The following CAND1 variants were observed in gnomAD, a reference collection of about 807,000 sequenced individuals.
CAND1 encodes the protein cullin-associated NEDD8-dissociated protein 1.
In CAND1, 7 loss-of-function variants were observed where a neutral mutation model predicts 108.5. That is an observed-to-expected ratio of 0.06 (90% CI 0.04 to 0.12). The LOEUF is 0.12. Among genes scored for constraint, CAND1 ranks in the 10% least tolerant of loss-of-function variants. The pLI is 1.00. For missense variants in CAND1, 941 were observed against 1,448.7 expected (o/e 0.65, Z 5.69); for synonymous variants, 534 against 512.0 (o/e 1.04, Z -0.58).
chr12:67,303,659 TGA>T (rs1298472509), intron 8 of CAND1, among the ~76,000 whole-genome samples: 1 of 152,210 alleles, frequency 6.6e-6, no homozygotes, highest in Admixed American at 6.6e-5. Flanking sequence ...GCTTTGCTGT[TGA>T]GGTATTCTAG....
rs1473896836 is a variant in CAND1 at position 67,310,416 on chromosome 12, T to G, written c.3360+100T>G. ...ACTCATGTGTCTGAGAAAAATCAGG[T>G]TGTCTGTGAAGATTTTGATAAGCAT... On this transcript the variant is annotated intron_variant, in intron 13 of 14. Transcript: ENST00000545606. 6 of 870,084 alleles carry G rather than the reference T, an allele frequency of 6.9e-6. No individual in the cohort carries two copies. In the African/African-American group the frequency reaches 1.0e-4, roughly 15 times the overall value. The allele number at this position is 870,084 out of a possible 1,614,324, so 53.9% of individuals were successfully genotyped here.
At chr12:67,312,433 G>C (rs1470962184) in intron 14 of CAND1, among the ~76,000 whole-genome samples, 173 bp from the exon 15 acceptor site, 4 of 152,078 alleles carry the variant, frequency 2.6e-5, no homozygotes, top group African/African-American at 9.7e-5. Context: ...TCCCTTAAAA[G>C]AAAAGGAGAC....
rs115257375 is a variant in CAND1 at position 67,274,278 on chromosome 12, A to C, written c.68+4493A>C. 5.6e-3 allele frequency among the ~76,000 whole-genome samples: 848 copies of C among 152,376 alleles called. 6 individuals carry two copies. The highest frequency in any genetic ancestry group is 0.019 in the African/African-American group (800 of 41,586). On this transcript the variant is annotated intron_variant, in intron 1 of 14. Transcript: ENST00000545606. ...ATAGTTAAGACACTATTGTAAAAAG[A>C]TGAATAACCCAGGGCAATATGTAAT... is the stretch of plus-strand genomic sequence containing the variant.
intron 2 of CAND1, among the ~76,000 whole-genome samples, chr12:67,292,141 A>G (rs1321298209): frequency 6.6e-6 from 1 of 152,094 alleles, no homozygotes; most frequent in Non-Finnish European, 1.5e-5. Flanking sequence ...TGCTGGGATT[A>G]CAGGTATGAG....
At chr12:67,281,425 A>G (rs1004551586) in intron 1 of CAND1, among the ~76,000 whole-genome samples, 5 of 152,292 alleles carry the variant, frequency 3.3e-5, no homozygotes, top group Admixed American at 1.3e-4. Flanking sequence ...CTGCAATGCA[A>G]CGTACTTGTT....
chr12:67,285,182 T>C (rs773140661), intron 2 of CAND1, among the ~76,000 whole-genome samples: 3 of 152,174 alleles, frequency 2.0e-5, no homozygotes, highest in Non-Finnish European at 4.4e-5. Flanking sequence ...GTGGTGACCT[T>C]GTATTGCAGT....
chr12:67,294,275 A>G (rs2073046153), intron 3 of CAND1, among the ~76,000 whole-genome samples: 1 of 152,194 alleles, frequency 6.6e-6, no homozygotes. Context: ...CAGTAACAAC[A>G]TGACCTACTG....
At position 67,310,059 on chromosome 12, in the gene CAND1, C is replaced by T; in HGVS notation, c.3184C>T (p.Leu1062Phe). The T allele has an allele frequency of 6.2e-7, 1 of 1,611,276 alleles. No individual in the cohort carries two copies. Among genetic ancestry groups the T allele is most frequent in the Non-Finnish European group, 8.5e-7 (1 of 1,178,464 alleles). ...LYNETKVRKELIREVEMGPFK... is the reference protein window; with the variant it reads ...LYNETKVRKEFIREVEMGPFK... Reference sequence around the variant, plus strand: ...CAATGAAACAAAAGTTAGAAAGGAGCTTATAAGAGAGGTAAGTTAGATCAC... The same window carrying T: ...CAATGAAACAAAAGTTAGAAAGGAGTTTATAAGAGAGGTAAGTTAGATCAC... Residue 1062 changes from leucine (L) to phenylalanine (F), a missense_variant, in exon 12 of 15, where the codon CTT becomes TTT. Physicochemically the swap from Leu to Phe is conservative, Grantham distance 22. This residue lies in a region of CAND1 where 106 missense variants were observed against 182.0 expected (regional missense o/e 0.58). Transcript: ENST00000545606.
intron 2 of CAND1, among the ~76,000 whole-genome samples, chr12:67,291,206 T>C (rs1452045495): frequency 6.6e-6 from 1 of 152,216 alleles, no homozygotes. Flanking sequence ...TGCAAACTTG[T>C]AACAACATCC....
intron 2 of CAND1, among the ~76,000 whole-genome samples, chr12:67,283,824 A>G (rs757484750): frequency 2.0e-5 from 3 of 152,158 alleles, no homozygotes; most frequent in East Asian, 1.9e-4. Flanking sequence ...ATCTTTACTC[A>G]TTAGGAACCT....
At chr12:67,307,532 T>G (rs2044900759) in intron 11 of CAND1, 40 bp downstream of exon 11, 2 of 1,322,288 alleles carry the variant, frequency 1.5e-6, no homozygotes, top group Non-Finnish European at 1.1e-6. Flanking sequence ...TTTTTGGACT[T>G]TAGAATTCTC....
intron 13 of CAND1, chr12:67,311,144 C>T (rs2044944621): frequency 6.6e-6 from 1 of 151,866 alleles, no homozygotes; most frequent in Non-Finnish European, 1.5e-5. Context: ...ACCTGAGCCT[C>T]TCAAAGTTCA....
At chr12:67,273,347 TA>T (rs1304147154) in intron 1 of CAND1, among the ~76,000 whole-genome samples, 10 of 152,148 alleles carry the variant, frequency 6.6e-5, no homozygotes, top group Non-Finnish European at 1.5e-4. Flanking sequence ...GAGTAAACCT[TA>T]TAATGTAGCC....
chr12:67,304,792 T>C, intron 9 of CAND1, 46 bp downstream of exon 9: 1 of 1,591,998 alleles, frequency 6.3e-7, no homozygotes, highest in Non-Finnish European at 8.5e-7. Flanking sequence ...TGTAGCCTTT[T>C]TGTTAGGACT....
At chr12:67,287,857 ATTTTTT>A (rs34177330) in intron 2 of CAND1, among the ~76,000 whole-genome samples, 24 of 112,590 alleles carry the variant, frequency 2.1e-4, no homozygotes, top group Non-Finnish European at 3.7e-4. Context: ...TTTTGATGTG[ATTTTTT>A]TTTTTTTTTT....
Position 67,314,868 on chromosome 12 carries a change from A to G in CAND1, c.*2038A>G, listed in dbSNP as rs2044992581. The G allele has an allele frequency of 6.6e-6, 1 of 152,220 alleles. No individual in the cohort carries two copies. Among genetic ancestry groups the G allele is most frequent in the South Asian group, 2.1e-4 (1 of 4,830 alleles). The allele number at this position is 152,220 out of a possible 1,614,324, so 9.4% of individuals were successfully genotyped here. A position where few individuals can be genotyped will look rare whatever the true frequency, so the allele number is the denominator to read the frequency against. ...TTTATATACCTGTTTATATGCATAC[A>G]TTAACAAAATTAGTAACAGCAGTGC... On this transcript the variant is annotated 3_prime_UTR_variant, in exon 15 of 15. Coordinates refer to ENST00000545606, the MANE Select transcript of CAND1 (RefSeq NM_018448.5).
Position 67,310,066 on chromosome 12 carries a change from G to A in CAND1, c.3191G>A (p.Arg1064Lys). Residue 1064 changes from arginine (R) to lysine (K), a missense_variant, in exon 12 of 15, where the codon AGA becomes AAA. Physicochemically the swap from Arg to Lys is conservative, Grantham distance 26 (BLOSUM62 2). This residue lies in a region of CAND1 where 106 missense variants were observed against 182.0 expected (regional missense o/e 0.58). Transcript: ENST00000545606. ...NETKVRKELI[R>K]EVEMGPFKHT... ...ACAAAAGTTAGAAAGGAGCTTATAA[G>A]AGAGGTAAGTTAGATCACACTGTTT... is the stretch of plus-strand genomic sequence containing the variant. 1 of 1,611,416 alleles carries A rather than the reference G, an allele frequency of 6.2e-7. No individual in the cohort carries two copies.
chr12:67,290,917 C>G (rs2044716513), intron 2 of CAND1, among the ~76,000 whole-genome samples: 1 of 152,096 alleles, frequency 6.6e-6, no homozygotes, highest in Non-Finnish European at 1.5e-5. Context: ...GAGCACGAAC[C>G]CTATTGTAAA....
intron 8 of CAND1, among the ~76,000 whole-genome samples, chr12:67,303,550 TG>T (rs1467039346): frequency 6.6e-6 from 1 of 152,230 alleles, no homozygotes; most frequent in Non-Finnish European, 1.5e-5. Context: ...ACATTTTTTT[TG>T]TTTTGTCTAG....
Sources: allele counts gnomAD v4.1 joint callset (sites outside exome capture counted in the v4.1 genomes callset), GRCh38; gene constraint gnomAD v4.1.1; regional missense constraint gnomAD v4.1.1; transcripts MANE v1.5; gene names NCBI Gene and HGNC (gene_info 2026-07-23, HGNC 2026-07-21).